NOCT: variants seen among roughly 807,000 people sequenced by gnomAD.
NOCT encodes the protein nocturnin, also known as CCR4 carbon catabolite repression 4-like.
Under a neutral mutation model 35.0 loss-of-function variants are expected in NOCT, and 18 were observed. The observed-to-expected ratio is 0.51, with a 90% CI of 0.36 to 0.76. The LOEUF (loss-of-function observed/expected upper bound fraction) is 0.76, where lower values mean the gene tolerates loss of function less well. NOCT is among the 30% of genes least tolerant of loss of function. The pLI, the probability that NOCT is intolerant of heterozygous loss-of-function variation, is 0.01. For missense variants in NOCT, 479 were observed against 541.0 expected, an observed-to-expected ratio of 0.89 and a Z score of 1.14; for synonymous variants, 235 against 226.3, an observed-to-expected ratio of 1.04 and a Z score of -0.34.
intron 1 of NOCT, among the ~76,000 whole-genome samples, chr4:139,042,855 G>A (rs1170116408): frequency 1.3e-5 from 2 of 151,694 alleles, no homozygotes; most frequent in Non-Finnish European, 2.9e-5. Flanking sequence ...TGGAGGTTGC[G>A]GTGAGCCGAG....
At chr4:139,023,261 T>G (rs1726448889) in intron 1 of NOCT, among the ~76,000 whole-genome samples, 1 of 152,186 alleles carries the variant, frequency 6.6e-6, no homozygotes, top group African/African-American at 2.4e-5. Context: ...TAAACAGCTC[T>G]GTTTGCCGAT....
intron 1 of NOCT, among the ~76,000 whole-genome samples, chr4:139,016,641 G>T (rs866859986): frequency 0.013 from 686 of 53,798 alleles, 10 homozygotes; most frequent in African/African-American, 0.048. Context: ...GTTTTACGTT[G>T]TTTTTTTTTT....
Position 139,030,828 on chromosome 4 carries a change from A to T in NOCT, c.191-12246A>T, listed in dbSNP as rs747377201. On this transcript the variant is annotated intron_variant, in intron 1 of 2. Transcript: ENST00000280614. ...ACACGCATGGCCAGTAGATGGCAGC[A>T]TTGGATTGCTGTTTCAGAGATGCCT... Among the ~76,000 whole-genome samples, 8 of 152,286 alleles carry T rather than the reference A, an allele frequency of 5.3e-5. No individual in the cohort carries two copies. In the Middle Eastern group the frequency reaches 0.017, roughly 324 times the overall value.
At chr4:139,037,949 C>T (rs940396441) in intron 1 of NOCT, among the ~76,000 whole-genome samples, 33 of 150,444 alleles carry the variant, frequency 2.2e-4, no homozygotes, top group Non-Finnish European at 8.8e-5. Flanking sequence ...GCCTATAATT[C>T]CCAGCACTTT....
chr4:139,020,649 T>C (rs1297095673), intron 1 of NOCT, among the ~76,000 whole-genome samples: 2 of 152,132 alleles, frequency 1.3e-5, no homozygotes. Context: ...ATTTAACAAG[T>C]GCCTCAGGGG....
chr4:139,018,199 T>TA (rs1195518308), intron 1 of NOCT, among the ~76,000 whole-genome samples: 1 of 152,084 alleles, frequency 6.6e-6, no homozygotes, highest in Non-Finnish European at 1.5e-5. Context: ...ACAACATTGT[T>TA]AGAGGTTTGA....
chr4:139,045,262 A>G lies in NOCT; in HGVS notation c.1084A>G (p.Thr362Ala). The G allele has an allele frequency of 1.9e-6, 3 of 1,614,086 alleles. No homozygotes were observed. The highest frequency in any genetic ancestry group is 2.5e-6 in the Non-Finnish European group (3 of 1,180,014). The change falls in exon 3 of 3, where the codon ACT becomes GCT. Residue 362 changes from threonine to alanine, a missense_variant. Around this residue, in one of 2 missense-constraint regions of NOCT, gnomAD observed 214 missense variants for 284.0 expected, o/e 0.75. Transcript: ENST00000280614. ...SADGQSEPPY[T>A]TWKIRTSGEC... ...TGATGGGCAGTCAGAACCCCCATAC[A>G]CTACCTGGAAGATCCGGACCTCAGG...
intron 1 of NOCT, among the ~76,000 whole-genome samples, chr4:139,027,687 A>G (rs1017049506): frequency 2.6e-5 from 4 of 151,946 alleles, no homozygotes; most frequent in Non-Finnish European, 4.4e-5. Context: ...TTTAGTAGAG[A>G]CAGCATTTCA....
intron 1 of NOCT, 36 bp downstream of exon 1, chr4:139,016,207 G>A: frequency 1.1e-5 from 13 of 1,206,136 alleles, no homozygotes; most frequent in Non-Finnish European, 1.3e-5. Flanking sequence ...AGAACGCCAC[G>A]GCCGCCAACG....
At chr4:139,041,427 G>A (rs1169545384) in intron 1 of NOCT, among the ~76,000 whole-genome samples, 3 of 152,132 alleles carry the variant, frequency 2.0e-5, no homozygotes, top group Admixed American at 6.5e-5. Flanking sequence ...CAGATTGCCT[G>A]GTACCAGCAT....
intron 1 of NOCT, 102 bp downstream of exon 1, chr4:139,016,273 C>T: frequency 1.3e-6 from 1 of 749,304 alleles, no homozygotes; most frequent in East Asian, 3.8e-5. Flanking sequence ...GGCTGCCGGT[C>T]GTGGAGTCTG....
At chr4:139,042,805 C>T (rs899682229) in intron 1 of NOCT, among the ~76,000 whole-genome samples, 1 of 151,720 alleles carries the variant, frequency 6.6e-6, no homozygotes, top group Non-Finnish European at 1.5e-5. Flanking sequence ...ATCCCAGCTA[C>T]TTGGGAGGCT....
Position 139,045,017 on chromosome 4 carries a change from T to C in NOCT, c.839T>C (p.Phe280Ser), listed in dbSNP as rs932133701. The C allele has an allele frequency of 1.2e-5, 20 of 1,614,080 alleles. No homozygotes were observed. Among genetic ancestry groups the C allele is most frequent in the Non-Finnish European group, 1.7e-5 (20 of 1,180,044 alleles). ...GAGTGCAAGGAGTCAGGCCGACAGTTCTGCATCGCTGTTACCCATCTAAAA... is the reference window on the plus strand; with the variant it reads ...GAGTGCAAGGAGTCAGGCCGACAGTCCTGCATCGCTGTTACCCATCTAAAA... Reference protein sequence around the residue: ...TLECKESGRQFCIAVTHLKAR... With the variant: ...TLECKESGRQSCIAVTHLKAR... The change falls in exon 3 of 3, where the codon TTC (phenylalanine) becomes TCC (serine). Residue 280 changes from phenylalanine (F) to serine (S), a missense_variant. By Grantham distance (155) the Phe-to-Ser change is radical. This residue lies in a region of NOCT where 214 missense variants were observed against 284.0 expected (regional missense o/e 0.75). Transcript: ENST00000280614.
At chr4:139,029,988 T>G (rs1040703101) in intron 1 of NOCT, among the ~76,000 whole-genome samples, 1 of 152,114 alleles carries the variant, frequency 6.6e-6, no homozygotes, top group Non-Finnish European at 1.5e-5. Context: ...GCCTTCCAGG[T>G]TCAAGCGATT....
chr4:139,037,588 A>G (rs1480138392), intron 1 of NOCT, among the ~76,000 whole-genome samples: 1 of 152,118 alleles, frequency 6.6e-6, no homozygotes, highest in Admixed American at 6.5e-5. Context: ...ATTAATAGGA[A>G]GATATGTGTC....
chr4:139,020,434 A>G (rs1726387440), intron 1 of NOCT, among the ~76,000 whole-genome samples: 1 of 151,954 alleles, frequency 6.6e-6, no homozygotes, highest in South Asian at 2.1e-4. Context: ...GGAAGGGGAC[A>G]GTTTGCGGGG....
intron 1 of NOCT, among the ~76,000 whole-genome samples, chr4:139,037,624 T>C (rs1179691019): frequency 1.3e-5 from 2 of 152,164 alleles, no homozygotes; most frequent in African/African-American, 4.8e-5. Flanking sequence ...AGAGCTGTTA[T>C]ATGAGGAACA....
At chr4:139,034,623 T>G (rs1370968992) in intron 1 of NOCT, among the ~76,000 whole-genome samples, 1 of 152,036 alleles carries the variant, frequency 6.6e-6, no homozygotes, top group Non-Finnish European at 1.5e-5. Flanking sequence ...CAGGCTGGAG[T>G]GCAGTGGCGT....
At chr4:139,016,970 AT>A (rs56237553) in intron 1 of NOCT, among the ~76,000 whole-genome samples, 4 of 131,076 alleles carry the variant, frequency 3.1e-5, no homozygotes, top group South Asian at 2.4e-4. Context: ...GTTTCTTTGG[AT>A]TTTTTTTTTT....
Sources: allele counts gnomAD v4.1 joint callset (sites outside exome capture counted in the v4.1 genomes callset), GRCh38; gene constraint gnomAD v4.1.1; regional missense constraint gnomAD v4.1.1; transcripts MANE v1.5; gene names NCBI Gene and HGNC (gene_info 2026-07-23, HGNC 2026-07-21).